NRG1: variants seen among roughly 807,000 people sequenced by gnomAD.
The protein encoded by NRG1 is neuregulin 1, also known as pro-neuregulin-1, membrane-bound isoform.
A neutral mutation model predicts 63.8 loss-of-function variants in NRG1; 18 were observed. That is an observed-to-expected ratio of 0.28 (90% CI 0.19 to 0.42). NRG1 has a LOEUF of 0.42. Ranked by LOEUF, NRG1 falls within the 10% of genes least tolerant of loss-of-function variation. The pLI, the probability that NRG1 is intolerant of heterozygous loss-of-function variation, is 1.00. For synonymous variants in NRG1, 302 were observed against 301.3 expected (o/e 1.00, Z -0.02); for missense variants, 762 against 814.7 (o/e 0.94, Z 0.79).
chr8:32,516,992 G>C (rs1829883842), intron 1 of NRG1, among the ~76,000 whole-genome samples: 1 of 151,906 alleles, frequency 6.6e-6, no homozygotes, highest in South Asian at 2.1e-4. Context: ...ACTTTATTAA[G>C]GATCTCTGGA....
intron 5 of NRG1, among the ~76,000 whole-genome samples, chr8:32,696,223 A>G (rs1813257292): frequency 6.6e-6 from 1 of 152,238 alleles, no homozygotes; most frequent in African/African-American, 2.4e-5. Flanking sequence ...ATGTCTTAGA[A>G]AAGTTTTCCC....
chr8:32,555,411 T>A (rs1834932403), intron 1 of NRG1, among the ~76,000 whole-genome samples: 1 of 152,228 alleles, frequency 6.6e-6, no homozygotes, highest in Non-Finnish European at 1.5e-5. Context: ...CCACTTTGAT[T>A]GAGTGCACAT....
At chr8:31,995,234 G>A (rs1811774037) in intron 1 of NRG1, among the ~76,000 whole-genome samples, 1 of 151,760 alleles carries the variant, frequency 6.6e-6, no homozygotes, top group South Asian at 2.1e-4. Flanking sequence ...CCTTTACTCT[G>A]GGCAGAATTA....
At chr8:32,502,126 A>G (rs892979778) in intron 1 of NRG1, among the ~76,000 whole-genome samples, 1 of 152,080 alleles carries the variant, frequency 6.6e-6, no homozygotes, top group East Asian at 2.0e-4. Context: ...TCTGTAGGCT[A>G]TACAAGAAGC....
chr8:32,630,493 C>T (rs552234333), intron 5 of NRG1, among the ~76,000 whole-genome samples: 17 of 152,174 alleles, frequency 1.1e-4, no homozygotes, highest in Non-Finnish European at 2.5e-4. Flanking sequence ...ATGCATTAAA[C>T]ATCTGAAATG....
chr8:31,819,811 A>G (rs1188820231), intron 1 of NRG1, among the ~76,000 whole-genome samples: 1 of 152,128 alleles, frequency 6.6e-6, no homozygotes, highest in East Asian at 1.9e-4. Context: ...TAGCCCCTTA[A>G]CTGTTGACTT....
intron 1 of NRG1, among the ~76,000 whole-genome samples, chr8:32,309,030 T>C (rs1354651752): frequency 6.6e-6 from 1 of 152,200 alleles, no homozygotes; most frequent in Non-Finnish European, 1.5e-5. Flanking sequence ...ACTGCTGATG[T>C]GTAGCTTATG....
At chr8:31,892,816 G>A (rs955247007) in intron 1 of NRG1, among the ~76,000 whole-genome samples, 4 of 151,944 alleles carry the variant, frequency 2.6e-5, no homozygotes, top group African/African-American at 4.8e-5. Flanking sequence ...TTTCCTTTAA[G>A]CTAACGTATT....
intron 1 of NRG1, among the ~76,000 whole-genome samples, chr8:32,164,458 G>A (rs1839193759): frequency 6.6e-6 from 1 of 152,178 alleles, no homozygotes; most frequent in Non-Finnish European, 1.5e-5. Flanking sequence ...AATGAAAGTA[G>A]ATACCTTAGG....
intron 4 of NRG1, among the ~76,000 whole-genome samples, chr8:32,615,978 G>GA (rs1227826434): frequency 2.0e-5 from 3 of 151,876 alleles, no homozygotes; most frequent in Non-Finnish European, 4.4e-5. Flanking sequence ...ATGCCATTAG[G>GA]AAAAAAAGAG....
At chr8:32,092,526 T>A (rs1829331654) in intron 1 of NRG1, among the ~76,000 whole-genome samples, 1 of 149,518 alleles carries the variant, frequency 6.7e-6, no homozygotes, top group African/African-American at 2.5e-5. Context: ...GGAAGCTTAG[T>A]GAAGAACATT....
In NRG1 at chr8:32,127,515, G is replaced by T. The variant is rs938994303; in HGVS notation, c.38-468313G>T. ...AACCCTACTCTGTTGGGTGGAATGT[G>T]TGTGTATCTGCACGTGTGTGTGTGT... On this transcript the variant is annotated intron_variant, in intron 1 of 10. Coordinates refer to the NRG1 transcript ENST00000519301. Among the ~76,000 whole-genome samples the T allele has an allele frequency of 6.3e-5, 9 of 142,750 alleles. No individual in the cohort carries two copies. The East Asian group carries it at 1.8e-3, about 29-fold the overall frequency. 93.6% of individuals were successfully genotyped at this position (142,750 alleles called of 152,430 possible). A position where few individuals can be genotyped will look rare whatever the true frequency, so the allele number is the denominator to read the frequency against.
chr8:31,899,422 A>G (rs1185685736), intron 1 of NRG1, among the ~76,000 whole-genome samples: 2 of 152,066 alleles, frequency 1.3e-5, no homozygotes, highest in African/African-American at 2.4e-5. Flanking sequence ...TATATTTTTA[A>G]GCATTTTGAT....
intron 1 of NRG1, among the ~76,000 whole-genome samples, chr8:31,887,957 A>G (rs1013371899): frequency 1.9e-4 from 29 of 151,622 alleles, no homozygotes; most frequent in African/African-American, 6.8e-4. Flanking sequence ...GAAAACATAT[A>G]TATTACATAT....
intron 1 of NRG1, among the ~76,000 whole-genome samples, chr8:32,039,040 C>T (rs1484800730): frequency 6.6e-6 from 1 of 152,082 alleles, no homozygotes; most frequent in Non-Finnish European, 1.5e-5. Context: ...TGGTTATATT[C>T]ACAAATTCTG....
chr8:32,436,291 T>C (rs1277884603), intron 1 of NRG1, among the ~76,000 whole-genome samples: 1 of 152,182 alleles, frequency 6.6e-6, no homozygotes, highest in Non-Finnish European at 1.5e-5. Flanking sequence ...ATGATTCAAC[T>C]GTCTTCCACC....
intron 1 of NRG1, among the ~76,000 whole-genome samples, chr8:32,169,070 C>T (rs766513816): frequency 5.3e-5 from 8 of 152,132 alleles, no homozygotes; most frequent in Non-Finnish European, 1.0e-4. Context: ...TTATCATGGA[C>T]GTCCTTAGGA....
At chr8:31,911,836 G>C (rs776365552) in intron 1 of NRG1, among the ~76,000 whole-genome samples, 6 of 152,170 alleles carry the variant, frequency 3.9e-5, no homozygotes, top group Non-Finnish European at 8.8e-5. Context: ...AGAATCTGTG[G>C]AATCTCTTGA....
chr8:32,356,483 C>CCCCCG (rs1554517235), intron 1 of NRG1, among the ~76,000 whole-genome samples: 1 of 121,038 alleles, frequency 8.3e-6, no homozygotes, highest in Non-Finnish European at 1.8e-5. Flanking sequence ...GACCCCCCCC[C>CCCCCG]CACCCGCCGG....
Sources: gnomAD v4.1 joint callset for allele counts (sites outside exome capture counted in the v4.1 genomes callset) on GRCh38, gnomAD v4.1.1 for gene constraint, MANE v1.5 for transcripts, NCBI Gene and HGNC (gene_info 2026-07-23, HGNC 2026-07-21) for gene names.